Variants in KATNB1 observed in about 807,000 individuals in gnomAD.
KATNB1 encodes the protein katanin regulatory subunit B1.
KATNB1 carries 38 observed loss-of-function variants against 82.3 expected under a neutral mutation model. That is an observed-to-expected ratio of 0.46 (90% CI 0.36 to 0.61). The LOEUF (loss-of-function observed/expected upper bound fraction) is 0.61, where lower values mean the gene tolerates loss of function less well. Ranked by LOEUF, KATNB1 falls within the 20% of genes least tolerant of loss-of-function variation. The pLI is 0.00. For missense variants in KATNB1, 749 were observed against 915.7 expected, an observed-to-expected ratio of 0.82 and a Z score of 2.35; for synonymous variants, 361 against 368.7, an observed-to-expected ratio of 0.98 and a Z score of 0.24.
Position 57,755,706 on chromosome 16 carries a change from A to T in KATNB1, c.1567-135A>T, listed in dbSNP as rs1019316709. On this transcript the variant is annotated intron_variant, in intron 16 of 19. Transcript: ENST00000379661. ...TGTTTACATGCCTGGCCTTACACTC[A>T]TTGCGTTAGGTGCAGTGCTGAATAC... is the stretch of plus-strand genomic sequence containing the variant. 3.0e-6 allele frequency: 3 copies of T among 985,540 alleles called. No homozygotes were observed. The African/African-American group carries it at 4.9e-5, about 16-fold the overall frequency. 61.0% of individuals were successfully genotyped at this position (985,540 alleles called of 1,614,324 possible).
At chr16:57,754,597 C>T (rs1249377247) in intron 13 of KATNB1, among the ~76,000 whole-genome samples, 1 of 152,212 alleles carries the variant, frequency 6.6e-6, no homozygotes, top group Non-Finnish European at 1.5e-5. Context: ...TCCTTGCCGT[C>T]AGTCCTGGCT....
chr16:57,753,630 C>G, intron 12 of KATNB1, 111 bp downstream of exon 12: 3 of 1,395,796 alleles, frequency 2.1e-6, no homozygotes, highest in South Asian at 1.3e-5. Context: ...TTCCTCCTAA[C>G]CCACACCTGG....
chr16:57,741,776 C>T lies in KATNB1; in HGVS notation c.130C>T (p.Arg44Cys), dbSNP rs201162528. 6 of 1,613,676 alleles carry T rather than the reference C, an allele frequency of 3.7e-6. No homozygotes were observed. Among genetic ancestry groups the T allele is most frequent in the East Asian group, 2.2e-5 (1 of 44,878 alleles). The change falls in exon 3 of 20, where the codon CGC (arginine) becomes TGC (cysteine). Residue 44 changes from arginine to cysteine, a missense_variant. By Grantham distance (180) the Arg-to-Cys change is radical. Transcript: ENST00000379661. ...RLLATGGDDC[R>C]VNLWSINKPN... ...GCTGGCTACAGGCGGGGATGACTGC[C>T]GCGTCAACCTGTGGTCCATCAACAA...
intron 2 of KATNB1, among the ~76,000 whole-genome samples, chr16:57,739,261 C>T (rs945608334): frequency 2.6e-5 from 4 of 152,198 alleles, no homozygotes; most frequent in African/African-American, 4.8e-5. Context: ...CGGTGGTGTC[C>T]GTGGGAATCA....
intron 2 of KATNB1, among the ~76,000 whole-genome samples, chr16:57,737,764 C>T (rs2049112043): frequency 1.3e-5 from 2 of 152,166 alleles, no homozygotes; most frequent in Admixed American, 1.3e-4. Context: ...CGGATTGTAA[C>T]TGATGGGCAC....
In KATNB1 at chr16:57,751,155, C is replaced by T. The variant is rs1349553956; in HGVS notation, c.391-106C>T. 2 of 1,109,950 alleles carry T rather than the reference C, an allele frequency of 1.8e-6. No individual in the cohort carries two copies. The highest frequency in any genetic ancestry group is 1.5e-5 in the African/African-American group (1 of 65,020). The allele number at this position is 1,109,950 out of a possible 1,614,324, so 68.8% of individuals were successfully genotyped here. On this transcript the variant is annotated intron_variant, in intron 5 of 19. Transcript: ENST00000379661. The surrounding 1 kb of genome is among the most constrained non-coding windows in gnomAD (Gnocchi z 6.3). ...TCCTTGTCTCCGTGGGGAGTAACGA[C>T]CTAGAGAAGGCTGGGCCCCACCGTC...
chr16:57,755,009 G>A lies in KATNB1; in HGVS notation c.1296+12G>A, dbSNP rs781890845. On this transcript the variant is annotated intron_variant, in intron 14 of 19. Transcript: ENST00000379661. ...TCCCGGTGCCAAATGTATGTCCATGGAGGGAGCATGGTGTGGGGCCTAGAG... is the reference window on the plus strand; with the variant it reads ...TCCCGGTGCCAAATGTATGTCCATGAAGGGAGCATGGTGTGGGGCCTAGAG... 1.9e-5 allele frequency: 31 copies of A among 1,613,970 alleles called. No individual in the cohort carries two copies. The highest frequency in any genetic ancestry group is 2.7e-5 in the African/African-American group (2 of 75,064).
At position 57,751,818 on chromosome 16, in the gene KATNB1, C is replaced by T. The variant is rs868912612; in HGVS notation, c.516+94C>T. The T allele has an allele frequency of 7.0e-7, 1 of 1,419,464 alleles. No individual in the cohort carries two copies. The highest frequency in any genetic ancestry group is 1.8e-4 in the Middle Eastern group (1 of 5,712). 87.9% of individuals were successfully genotyped at this position (1,419,464 alleles called of 1,614,324 possible). A position where few individuals can be genotyped will look rare whatever the true frequency, so the allele number is the denominator to read the frequency against. Reference sequence around the variant, plus strand: ...CTCACCTCCCTCCTGATCGGGCTCACATGTCCCAAGCCTATCCCGAGTGGA... The same window carrying T: ...CTCACCTCCCTCCTGATCGGGCTCATATGTCCCAAGCCTATCCCGAGTGGA... On this transcript the variant is annotated intron_variant, in intron 7 of 19. Coordinates refer to ENST00000379661, the MANE Select transcript of KATNB1 (RefSeq NM_005886.3). The surrounding 1 kb of genome is among the most constrained non-coding windows in gnomAD (Gnocchi z 6.3).
In KATNB1 at chr16:57,737,184, C is replaced by T. The variant is rs1170382260; in HGVS notation, c.-60C>T. On this transcript the variant is annotated 5_prime_UTR_variant, in exon 2 of 20. Transcript: ENST00000379661. ...GATCTGGGGGGGGATCCACCCCCAC[C>T]CCACGAGGAAAGCACAGTTTATTTT... 1 of 1,604,958 alleles carries T rather than the reference C, an allele frequency of 6.2e-7. No homozygotes were observed. The highest frequency in any genetic ancestry group is 8.5e-7 in the Non-Finnish European group (1 of 1,173,536).
intron 3 of KATNB1, among the ~76,000 whole-genome samples, chr16:57,743,225 G>A (rs562905848): frequency 1.5e-4 from 23 of 152,304 alleles, no homozygotes; most frequent in Middle Eastern, 3.4e-3. Flanking sequence ...CCTGGGAGAC[G>A]GAGGTTGCAG....
intron 2 of KATNB1, among the ~76,000 whole-genome samples, 172 bp from the exon 3 acceptor site, chr16:57,741,515 G>A (rs1323912724): frequency 6.6e-6 from 1 of 152,248 alleles, no homozygotes; most frequent in African/African-American, 2.4e-5. Context: ...CCCATGCCCT[G>A]CCCTGTCTGC....
rs782804194 is a variant in KATNB1 at position 57,755,340 on chromosome 16, C to A, written c.1417-5C>A. On this transcript the variant is annotated splice_region_variant and splice_polypyrimidine_tract_variant and intron_variant, in intron 15 of 19. Transcript: ENST00000379661. ...TGCCAGCATCTGGGTGTCCATCCCA[C>A]GCAGGCCGTGAAGATCCCCCAGCAG... 1 of 1,612,808 alleles carries A rather than the reference C, an allele frequency of 6.2e-7. No homozygotes were observed. The highest frequency in any genetic ancestry group is 1.3e-5 in the African/African-American group (1 of 74,950).
chr16:57,744,925 C>T (rs1331796673), intron 4 of KATNB1, among the ~76,000 whole-genome samples: 15 of 152,182 alleles, frequency 9.9e-5, no homozygotes, highest in African/African-American at 3.6e-4. Context: ...AGGTGGTCCC[C>T]ACTCTGCCTT....
rs929482546 is a variant in KATNB1, at chr16:57,751,177, C to T, written c.391-84C>T. 9.8e-6 allele frequency: 13 copies of T among 1,321,866 alleles called. No homozygotes were observed. The highest frequency in any genetic ancestry group is 6.8e-5 in the Admixed American group (4 of 59,148). 81.9% of individuals were successfully genotyped at this position (1,321,866 alleles called of 1,614,324 possible). ...CGACCTAGAGAAGGCTGGGCCCCAC[C>T]GTCTGCTCACGACTGCACACCTTCC... On this transcript the variant is annotated intron_variant, in intron 5 of 19. Transcript: ENST00000379661. This position sits in a 1 kb window ranked among gnomAD's most constrained non-coding sequence, Gnocchi z 6.3.
In KATNB1 at chr16:57,755,226, C is replaced by T. The variant is rs781990513; in HGVS notation, c.1404C>T (p.Ser468=). The stretch of plus-strand genomic sequence containing the variant: ...ACGAGCCCATCGGGCTGAAGGCCTC[C>T]GACTTCCTGCCCGTGAGTAGGAGCC... ...TRNEPIGLKA[S]DFLPAVKIPQ... is the part of the protein sequence containing the mutation. The change falls in exon 15 of 20, where the codon TCC becomes TCT. Residue 468 remains serine, a synonymous_variant. Coordinates refer to ENST00000379661, the MANE Select transcript of KATNB1 (RefSeq NM_005886.3). 5.0e-5 allele frequency: 80 copies of T among 1,610,842 alleles called. No individual in the cohort carries two copies. The highest frequency in any genetic ancestry group is 6.6e-5 in the South Asian group (6 of 91,058).
At chr16:57,741,423 G>A (rs145167119) in intron 2 of KATNB1, among the ~76,000 whole-genome samples, 13 of 152,358 alleles carry the variant, frequency 8.5e-5, no homozygotes, top group Middle Eastern at 3.4e-3. Context: ...GTGATATGCA[G>A]AAACAGGAAG....
At chr16:57,755,525 C>T in intron 16 of KATNB1, 31 bp downstream of exon 16, 1 of 1,598,860 alleles carries the variant, frequency 6.3e-7, no homozygotes, top group Non-Finnish European at 8.5e-7. Flanking sequence ...AGGGCCTCAT[C>T]TCGCCCCCCT....
chr16:57,753,385 C>T lies in KATNB1; in HGVS notation c.1047-4C>T. 6.2e-7 allele frequency: 1 copy of T among 1,611,422 alleles called. No individual in the cohort carries two copies. Among genetic ancestry groups the T allele is most frequent in the African/African-American group, 1.3e-5 (1 of 75,016 alleles). ...TTCCGTTGGGCTTGGCCTCACGCTC[C>T]CAGGGTGAAGCAGAACTCAGAGAGC... is the stretch of plus-strand genomic sequence containing the variant. On this transcript the variant is annotated splice_region_variant and splice_polypyrimidine_tract_variant and intron_variant, in intron 11 of 19. Transcript: ENST00000379661.
Position 57,737,053 on chromosome 16 carries a change from C to T in KATNB1, c.-191C>T, listed in dbSNP as rs774378449. 71 of 712,818 alleles carry T rather than the reference C, an allele frequency of 1.0e-4. No homozygotes were observed. Among genetic ancestry groups the T allele is most frequent in the Middle Eastern group, 9.1e-4 (4 of 4,374 alleles). The allele number at this position is 712,818 out of a possible 1,614,324, so 44.2% of individuals were successfully genotyped here. On this transcript the variant is annotated 5_prime_UTR_variant, in exon 2 of 20. Coordinates refer to ENST00000379661, the MANE Select transcript of KATNB1 (RefSeq NM_005886.3). ...CGTGACAGATGTGCACAGGCTGCTG[C>T]TGTTGCTGCTGTGGGTAATTTGGAA...
Sources: gnomAD v4.1 joint callset for allele counts (sites outside exome capture counted in the v4.1 genomes callset) on GRCh38, gnomAD v4.1.1 for gene constraint, Gnocchi (gnomAD v3.1) non-coding constraint, MANE v1.5 for transcripts, NCBI Gene and HGNC (gene_info 2026-07-23, HGNC 2026-07-21) for gene names.